Variants in TENM2 observed in about 807,000 individuals in gnomAD.
The protein encoded by TENM2 is teneurin transmembrane protein 2.
Under a neutral mutation model 245.2 loss-of-function variants are expected in TENM2, and 52 were observed. The ratio of observed to expected loss-of-function variants is 0.21; its 90% CI spans 0.17 to 0.27. TENM2 has a LOEUF of 0.27. TENM2 is among the 10% of genes least tolerant of loss of function. TENM2 has a pLI of 1.00. For missense variants in TENM2, 3,046 were observed against 3,666.8 expected (o/e 0.83, Z 4.37); for synonymous variants, 1,363 against 1,438.9 (o/e 0.95, Z 1.19).
intron 2 of TENM2, among the ~76,000 whole-genome samples, chr5:167,574,335 G>T (rs1329975474): frequency 6.6e-6 from 1 of 152,182 alleles, no homozygotes; most frequent in Admixed American, 6.5e-5. Context: ...ACAGCTAACG[G>T]AAAGAAAAAT....
chr5:167,419,277 C>A (rs777065151), intron 2 of TENM2, among the ~76,000 whole-genome samples: 1 of 152,058 alleles, frequency 6.6e-6, no homozygotes, highest in South Asian at 2.1e-4. Flanking sequence ...GCCTGGCCAA[C>A]GTGGTGAAAC....
intron 5 of TENM2, among the ~76,000 whole-genome samples, chr5:168,010,552 G>A (rs1481645892): frequency 6.6e-6 from 1 of 152,184 alleles, no homozygotes; most frequent in Non-Finnish European, 1.5e-5. Flanking sequence ...GCATCTTTTA[G>A]AACAGTGTTT....
chr5:167,195,195 T>A, the TENM2 span, among the ~76,000 whole-genome samples: 2 of 152,036 alleles, frequency 1.3e-5, no homozygotes, highest in Non-Finnish European at 2.9e-5. Context: ...ATTTATTAGC[T>A]GTGTACTTCT....
chr5:168,069,769 G>A (rs551103030), intron 7 of TENM2, among the ~76,000 whole-genome samples: 5 of 152,158 alleles, frequency 3.3e-5, no homozygotes, highest in African/African-American at 7.2e-5. Context: ...ACAGTACAAC[G>A]TAAACACAAT....
chr5:167,355,824 G>T (rs1299715763), intron 1 of TENM2, among the ~76,000 whole-genome samples: 2 of 150,728 alleles, frequency 1.3e-5, no homozygotes, highest in East Asian at 2.0e-4. Flanking sequence ...GCTGAGAAAA[G>T]TTGGCATTTT....
chr5:167,954,512 A>G (rs1262381340), intron 4 of TENM2, among the ~76,000 whole-genome samples: 2 of 152,188 alleles, frequency 1.3e-5, no homozygotes, highest in Admixed American at 1.3e-4. Context: ...ACATGTGCAG[A>G]ACGTGCAGGT....
chr5:167,687,158 C>G (rs1757129225), intron 2 of TENM2, among the ~76,000 whole-genome samples: 1 of 152,156 alleles, frequency 6.6e-6, no homozygotes, highest in Admixed American at 6.5e-5. Flanking sequence ...AAAATTGACT[C>G]AGGCTGTACT....
At position 168,248,381 on chromosome 5, in the gene TENM2, C is replaced by T; in HGVS notation, c.7432+10C>T. The T allele has an allele frequency of 6.2e-7, 1 of 1,607,196 alleles. No individual in the cohort carries two copies. ...AAGAACTACGTGACAGGTGAGGATT[C>T]TGCCACCAAAGGTGGGCAGTGGCTC... On this transcript the variant is annotated intron_variant, in intron 27 of 28. Transcript: ENST00000518659.
chr5:168,212,869 T>G (rs1762894614), intron 20 of TENM2, among the ~76,000 whole-genome samples: 1 of 152,208 alleles, frequency 6.6e-6, no homozygotes, highest in South Asian at 2.1e-4. Flanking sequence ...AAAACAGGTA[T>G]GAGACCATGG....
intron 2 of TENM2, among the ~76,000 whole-genome samples, chr5:167,594,365 C>CAT (rs1776063826): frequency 6.6e-6 from 1 of 152,092 alleles, no homozygotes; most frequent in South Asian, 2.1e-4. Flanking sequence ...ATCTTTAAAA[C>CAT]ATATAATCTA....
intron 2 of TENM2, among the ~76,000 whole-genome samples, chr5:167,542,266 T>A (rs1772262870): frequency 6.6e-6 from 1 of 152,180 alleles, no homozygotes; most frequent in Admixed American, 6.5e-5. Context: ...GAAGGCGCTT[T>A]GTATTGAAGA....
chr5:167,650,037 T>C (rs1754345278), intron 2 of TENM2, among the ~76,000 whole-genome samples: 1 of 152,228 alleles, frequency 6.6e-6, no homozygotes, highest in Admixed American at 6.5e-5. Context: ...CTTTGGAAGA[T>C]AGACAGCCTG....
chr5:168,137,385 G>C (rs1366335610), intron 12 of TENM2, among the ~76,000 whole-genome samples: 2 of 152,246 alleles, frequency 1.3e-5, no homozygotes, highest in Non-Finnish European at 2.9e-5. Context: ...AGACAGCCCT[G>C]TCTAGGTGTC....
chr5:167,271,555 T>C, the TENM2 span, among the ~76,000 whole-genome samples: 5 of 152,192 alleles, frequency 3.3e-5, no homozygotes, highest in African/African-American at 7.2e-5. Flanking sequence ...AAGCTTGCAC[T>C]ATCATGGCAA....
intron 23 of TENM2, among the ~76,000 whole-genome samples, chr5:168,222,908 C>A (rs1763791903): frequency 1.3e-5 from 2 of 152,184 alleles, no homozygotes; most frequent in African/African-American, 4.8e-5. Context: ...TTTGGCACAT[C>A]ACAGGTGCTT....
chr5:167,145,681 C>G, the TENM2 span, among the ~76,000 whole-genome samples: 2 of 152,198 alleles, frequency 1.3e-5, 1 homozygote. Context: ...TATTAGGTCA[C>G]ATATACAAAT....
intron 1 of TENM2, among the ~76,000 whole-genome samples, chr5:167,305,850 CCATT>C (rs1755645648): frequency 6.6e-6 from 1 of 152,120 alleles, no homozygotes; most frequent in Non-Finnish European, 1.5e-5. Context: ...TCACAAGTAT[CCATT>C]CAATAATATC....
intron 5 of TENM2, among the ~76,000 whole-genome samples, chr5:168,043,109 G>A (rs1413780495): frequency 1.3e-5 from 2 of 152,194 alleles, no homozygotes; most frequent in Non-Finnish European, 2.9e-5. Flanking sequence ...TGAACTGCTA[G>A]AGCATTCAAG....
intron 2 of TENM2, among the ~76,000 whole-genome samples, chr5:167,515,083 A>G (rs1244163137): frequency 6.6e-6 from 1 of 152,214 alleles, no homozygotes; most frequent in Non-Finnish European, 1.5e-5. Flanking sequence ...CATCAAGTTC[A>G]TGAAGGTAAA....
Sources: allele counts gnomAD v4.1 joint callset (sites outside exome capture counted in the v4.1 genomes callset), GRCh38; gene constraint gnomAD v4.1.1; transcripts MANE v1.5; gene names NCBI Gene and HGNC (gene_info 2026-07-23, HGNC 2026-07-21).